SVOP: variants seen among roughly 807,000 people sequenced by gnomAD.
SVOP encodes SV2 related protein, also known as synaptic vesicle 2-related protein.
A neutral mutation model predicts 69.1 loss-of-function variants in SVOP; 17 were observed. The ratio of observed to expected loss-of-function variants is 0.25; its 90% CI spans 0.17 to 0.37. SVOP has a LOEUF of 0.37. SVOP is among the 10% of genes least tolerant of loss of function. The pLI is 1.00. For synonymous variants in SVOP, 238 were observed against 238.6 expected (o/e 1.00, Z 0.02); for missense variants, 435 against 597.5 (o/e 0.73, Z 2.84).
chr12:108,933,671 C>T (rs1264718097), intron 11 of SVOP, among the ~76,000 whole-genome samples: 2 of 151,902 alleles, frequency 1.3e-5, no homozygotes, highest in African/African-American at 4.8e-5. Context: ...CAGAGCAAGA[C>T]TCCGTCAAAA....
rs1361663541 is a variant in SVOP, at chr12:108,934,202, G to A, written c.1041C>T (p.Val347=). 6.2e-7 allele frequency: 1 copy of A among 1,602,818 alleles called. No individual in the cohort carries two copies. The highest frequency in any genetic ancestry group is 2.2e-5 in the East Asian group (1 of 44,592). Reference sequence around the variant, plus strand: ...GACAACCAAGATACTCACTGCCGCAGACATCTCCTGCCTGGAAGAGTTCTG... The same window carrying A: ...GACAACCAAGATACTCACTGCCGCAAACATCTCCTGCCTGGAAGAGTTCTG... ...LTTELFQAGD[V]CGISSRKKAV... is the part of the protein sequence containing the mutation. The change falls in exon 11 of 16, where the codon GTC becomes GTT. Residue 347 remains valine (V), a synonymous_variant. Transcript: ENST00000610966.
chr12:108,908,794 C>G lies in SVOP; in HGVS notation c.*3741G>C, dbSNP rs1257839448. On this transcript the variant is annotated 3_prime_UTR_variant, in exon 16 of 16. Transcript: ENST00000610966. ...CCATCCAACAGCCATTGCTATCCTTCTTCTGTGCTAACAGAATCCCAATTT... is the reference window on the plus strand; with the variant it reads ...CCATCCAACAGCCATTGCTATCCTTGTTCTGTGCTAACAGAATCCCAATTT... The G allele has an allele frequency of 6.6e-6, 1 of 152,232 alleles. No homozygotes were observed. Among genetic ancestry groups the G allele is most frequent in the African/African-American group, 2.4e-5 (1 of 41,452 alleles). The allele number at this position is 152,232 out of a possible 1,614,324, so 9.4% of individuals were successfully genotyped here.
At chr12:108,925,495 T>A (rs751155321) in intron 11 of SVOP, among the ~76,000 whole-genome samples, 1 of 152,206 alleles carries the variant, frequency 6.6e-6, no homozygotes, top group Admixed American at 6.5e-5. Context: ...TTCCAACACG[T>A]CAGTCAAAGG....
rs370712080 is a variant in SVOP, at chr12:108,909,877, C to T, written c.*2658G>A. The T allele has an allele frequency of 2.0e-4, 30 of 152,248 alleles. 1 individual carries two copies. Among genetic ancestry groups the T allele is most frequent in the African/African-American group, 6.5e-4 (27 of 41,546 alleles). 9.4% of individuals were successfully genotyped at this position (152,248 alleles called of 1,614,324 possible). On this transcript the variant is annotated 3_prime_UTR_variant, in exon 16 of 16. Coordinates refer to ENST00000610966, the MANE Select transcript of SVOP (RefSeq NM_018711.5). ...CTCACATATTCAGAAGTTTGGGTGC[C>T]TTTTGTGATAGCTCTTGTATCATTT... is the stretch of plus-strand genomic sequence containing the variant.
chr12:108,963,495 A>ATT (rs200055211), intron 5 of SVOP, among the ~76,000 whole-genome samples: 3 of 149,350 alleles, frequency 2.0e-5, no homozygotes, highest in African/African-American at 7.4e-5. Flanking sequence ...GTATTTATTT[A>ATT]TTTTTTTTTT....
intron 4 of SVOP, among the ~76,000 whole-genome samples, chr12:108,975,529 A>G (rs1287864454): frequency 1.3e-5 from 2 of 152,258 alleles, no homozygotes; most frequent in Admixed American, 1.3e-4. Flanking sequence ...TATCTGTAGA[A>G]GTGACAGTAA....
intron 7 of SVOP, among the ~76,000 whole-genome samples, chr12:108,944,040 GACTA>G (rs2039908733): frequency 6.6e-6 from 1 of 151,944 alleles, no homozygotes; most frequent in South Asian, 2.1e-4. Flanking sequence ...CACCACACCT[GACTA>G]ACTTTTTGTA....
chr12:108,952,762 G>A (rs1245694353), intron 6 of SVOP, among the ~76,000 whole-genome samples: 2 of 152,162 alleles, frequency 1.3e-5, no homozygotes, highest in African/African-American at 4.8e-5. Context: ...CAGAGGCTGT[G>A]GTGGGAGGAT....
At chr12:108,965,174 T>A (rs1455486542) in intron 5 of SVOP, among the ~76,000 whole-genome samples, 1 of 152,238 alleles carries the variant, frequency 6.6e-6, no homozygotes, top group Non-Finnish European at 1.5e-5. Context: ...CATTAACCAC[T>A]GTCACAACAT....
chr12:108,989,093 G>A (rs1050037999), intron 1 of SVOP, among the ~76,000 whole-genome samples: 17 of 151,510 alleles, frequency 1.1e-4, no homozygotes, highest in Non-Finnish European at 1.9e-4. Context: ...CTTTTGAGAC[G>A]GAGTCTCGCT....
At chr12:108,939,518 T>C (rs954815489) in intron 8 of SVOP, among the ~76,000 whole-genome samples, 1 of 152,180 alleles carries the variant, frequency 6.6e-6, no homozygotes, top group Non-Finnish European at 1.5e-5. Flanking sequence ...TCTGTAAAAA[T>C]GGAGCAACAG....
chr12:108,977,611 C>T (rs1357686993), intron 3 of SVOP, 115 bp from the exon 4 acceptor site: 5 of 631,706 alleles, frequency 7.9e-6, no homozygotes, highest in Non-Finnish European at 1.1e-5. Flanking sequence ...CTACCCATTG[C>T]CAAGTGCCCT....
chr12:108,997,134 C>A (rs1346699637), intron 1 of SVOP, among the ~76,000 whole-genome samples: 4 of 152,216 alleles, frequency 2.6e-5, no homozygotes, highest in Non-Finnish European at 5.9e-5. Flanking sequence ...CAGGGCGAGG[C>A]ATTGCCTCAC....
intron 1 of SVOP, among the ~76,000 whole-genome samples, chr12:109,014,137 T>C (rs2040356489): frequency 6.6e-6 from 1 of 151,156 alleles, no homozygotes; most frequent in African/African-American, 2.4e-5. Flanking sequence ...TGCCTCAGCC[T>C]CCCAAGTAGC....
chr12:109,007,771 G>T (rs944702729), intron 1 of SVOP, among the ~76,000 whole-genome samples: 1 of 152,198 alleles, frequency 6.6e-6, no homozygotes, highest in Non-Finnish European at 1.5e-5. Context: ...CAGCACAGTG[G>T]CTCATGCCTA....
chr12:108,909,447 C>CA lies in SVOP; in HGVS notation c.*3087dup, dbSNP rs2039667020. 1 of 144,510 alleles carries CA rather than the reference C, an allele frequency of 6.9e-6. No individual in the cohort carries two copies. Among genetic ancestry groups the CA allele is most frequent in the Non-Finnish European group, 1.5e-5 (1 of 66,912 alleles). The allele number at this position is 144,510 out of a possible 1,614,324, so 9.0% of individuals were successfully genotyped here. ...GGGAGAATCGCTTGAACCTGGGAGA[C>CA]AGAGTTGCAGTGAGCTGAGACTTCA... On this transcript the variant is annotated 3_prime_UTR_variant, in exon 16 of 16. Transcript: ENST00000610966.
intron 2 of SVOP, among the ~76,000 whole-genome samples, chr12:108,981,524 C>T (rs964718456): frequency 1.5e-4 from 22 of 146,862 alleles, no homozygotes; most frequent in Admixed American, 4.8e-4. Context: ...CCCACAGCAC[C>T]GCCTCAGAGT....
At chr12:108,937,227 T>C (rs1474179758) in intron 10 of SVOP, 37 bp downstream of exon 10, 2 of 1,607,944 alleles carry the variant, frequency 1.2e-6, no homozygotes, top group East Asian at 2.2e-5. Flanking sequence ...GCACAGGGAG[T>C]GGAAAGGGGT....
rs559805969 is a variant in SVOP at position 108,937,073 on chromosome 12, A to G, written c.971+191T>C. 5 of 600,952 alleles carry G rather than the reference A, an allele frequency of 8.3e-6. No homozygotes were observed. The African/African-American group carries it at 9.3e-5, about 11-fold the overall frequency. The allele number at this position is 600,952 out of a possible 1,614,324, so 37.2% of individuals were successfully genotyped here. On this transcript the variant is annotated intron_variant, in intron 10 of 15. Transcript: ENST00000610966. ...AAAAGCAGTCAAGTTAAAGAAAAAG[A>G]TGAAGGAAATGATAGTACGTACAGA...
Sources: allele counts gnomAD v4.1 joint callset (sites outside exome capture counted in the v4.1 genomes callset), GRCh38; gene constraint gnomAD v4.1.1; transcripts MANE v1.5; gene names NCBI Gene and HGNC (gene_info 2026-07-23, HGNC 2026-07-21).